NRG3: variants seen among roughly 807,000 people sequenced by gnomAD.
The protein encoded by NRG3 is pro-neuregulin-3, membrane-bound isoform.
NRG3 carries 31 observed loss-of-function variants against 66.9 expected under a neutral mutation model. The ratio of observed to expected loss-of-function variants is 0.46; its 90% confidence interval spans 0.35 to 0.63. NRG3 has a LOEUF of 0.63. Ranked by LOEUF, NRG3 falls within the 20% of genes least tolerant of loss-of-function variation. The pLI is 0.00. For missense variants in NRG3, 910 were observed against 878.9 expected (o/e 1.04, Z -0.45); for synonymous variants, 393 against 359.4 (o/e 1.09, Z -1.06).
chr10:82,634,063 G>A (rs905862669), intron 2 of NRG3, among the ~76,000 whole-genome samples: 1 of 152,140 alleles, frequency 6.6e-6, no homozygotes, highest in African/African-American at 2.4e-5. Flanking sequence ...AGGACAACGG[G>A]CCCATGAGAT....
intron 2 of NRG3, among the ~76,000 whole-genome samples, chr10:82,687,311 C>T (rs1368522656): frequency 6.6e-6 from 1 of 152,104 alleles, no homozygotes; most frequent in African/African-American, 2.4e-5. Flanking sequence ...CATACGGCTG[C>T]TCCTAGGTGC....
chr10:82,760,117 G>T (rs2059244420), intron 3 of NRG3, among the ~76,000 whole-genome samples: 1 of 152,102 alleles, frequency 6.6e-6, no homozygotes, highest in South Asian at 2.1e-4. Context: ...CTGTGGCTTG[G>T]AGGTTTAATT....
chr10:82,864,322 A>AT (rs1406503504), intron 3 of NRG3, among the ~76,000 whole-genome samples: 1 of 152,072 alleles, frequency 6.6e-6, no homozygotes, highest in Non-Finnish European at 1.5e-5. Context: ...GTATATATAT[A>AT]TTTTTTTCCA....
intron 3 of NRG3, among the ~76,000 whole-genome samples, chr10:82,826,740 A>T (rs1302963084): frequency 6.6e-6 from 1 of 152,182 alleles, no homozygotes; most frequent in Non-Finnish European, 1.5e-5. Flanking sequence ...TGGGAACAAC[A>T]GACACTGGGC....
At chr10:82,838,070 G>T (rs1031966193) in intron 3 of NRG3, among the ~76,000 whole-genome samples, 2 of 152,160 alleles carry the variant, frequency 1.3e-5, no homozygotes, top group Admixed American at 1.3e-4. Flanking sequence ...ACCATCATTT[G>T]CTGCCAATTT....
rs530093316 is a variant in NRG3 at position 82,434,324 on chromosome 10, CT to C, written c.953+75458del. On this transcript the variant is annotated intron_variant, in intron 2 of 8. Transcript: ENST00000372141. ...GTATCCTGAGACTTTGCTGAAGTTG[CT>C]TATCAGTTCAAGAAGTTTTTGAGCT... Among the ~76,000 whole-genome samples, 562 of 152,182 alleles carry C rather than the reference CT, an allele frequency of 3.7e-3. 1 individual carries two copies. Among genetic ancestry groups the C allele is most frequent in the African/African-American group, 0.013 (532 of 41,514 alleles).
intron 1 of NRG3, among the ~76,000 whole-genome samples, chr10:82,288,906 G>A (rs772558661): frequency 2.4e-4 from 36 of 152,128 alleles, no homozygotes; most frequent in Non-Finnish European, 5.0e-4. Context: ...ATAAATCCAC[G>A]TTTGGTCACT....
chr10:82,940,039 T>C (rs2132255219), intron 4 of NRG3, among the ~76,000 whole-genome samples: 3 of 152,204 alleles, frequency 2.0e-5, no homozygotes, highest in Admixed American at 2.0e-4. Context: ...ATCATATCCT[T>C]GTCCTTGAGG....
At chr10:82,212,094 C>T (rs2075424162) in intron 1 of NRG3, among the ~76,000 whole-genome samples, 1 of 152,108 alleles carries the variant, frequency 6.6e-6, no homozygotes, top group South Asian at 2.1e-4. Flanking sequence ...GTTTGCTTGG[C>T]TTTCTTTTCC....
intron 3 of NRG3, among the ~76,000 whole-genome samples, chr10:82,826,013 G>A (rs998207409): frequency 1.3e-5 from 2 of 152,106 alleles, no homozygotes; most frequent in African/African-American, 4.8e-5. Context: ...TTAGCTTATT[G>A]TATTGTACCA....
At chr10:82,377,458 G>GCGCA (rs2085325831) in intron 2 of NRG3, among the ~76,000 whole-genome samples, 3 of 75,750 alleles carry the variant, frequency 4.0e-5, no homozygotes, top group African/African-American at 2.8e-4. Flanking sequence ...GTGTGTGTGT[G>GCGCA]CGCGAGCGCA....
intron 2 of NRG3, among the ~76,000 whole-genome samples, chr10:82,437,790 G>A (rs1329259164): frequency 6.6e-6 from 1 of 152,118 alleles, no homozygotes; most frequent in African/African-American, 2.4e-5. Context: ...TGTTCTTTCA[G>A]TAGTCAGGTC....
intron 6 of NRG3, among the ~76,000 whole-genome samples, chr10:82,969,547 G>T (rs1851536800): frequency 6.6e-6 from 1 of 152,146 alleles, no homozygotes; most frequent in South Asian, 2.1e-4. Flanking sequence ...TTTGCAAAAA[G>T]ACTGACCAGC....
At chr10:82,412,311 T>G (rs1346480634) in intron 2 of NRG3, among the ~76,000 whole-genome samples, 1 of 152,072 alleles carries the variant, frequency 6.6e-6, no homozygotes, top group Non-Finnish European at 1.5e-5. Flanking sequence ...ATAAAGAAAA[T>G]GGTGCAATAA....
At chr10:82,086,695 A>T (rs559972546) in intron 1 of NRG3, among the ~76,000 whole-genome samples, 1 of 152,136 alleles carries the variant, frequency 6.6e-6, no homozygotes, top group African/African-American at 2.4e-5. Context: ...TGAATTATGC[A>T]TTGGATCTTG....
chr10:82,634,046 T>C (rs2050020323), intron 2 of NRG3, among the ~76,000 whole-genome samples: 1 of 152,174 alleles, frequency 6.6e-6, no homozygotes, highest in Admixed American at 6.5e-5. Context: ...GAGATTATGG[T>C]TCATAAAGGA....
chr10:82,691,652 A>C (rs2054937915), intron 2 of NRG3, among the ~76,000 whole-genome samples: 1 of 152,142 alleles, frequency 6.6e-6, no homozygotes, highest in Non-Finnish European at 1.5e-5. Flanking sequence ...TTCTCTCTTT[A>C]ATACCTATTT....
intron 3 of NRG3, among the ~76,000 whole-genome samples, chr10:82,823,878 A>T (rs1294642673): frequency 6.6e-6 from 1 of 152,178 alleles, no homozygotes; most frequent in Non-Finnish European, 1.5e-5. Context: ...CATTTAAAGT[A>T]TAAAATTTGG....
intron 1 of NRG3, among the ~76,000 whole-genome samples, chr10:82,016,058 T>G (rs2061773824): frequency 6.6e-6 from 1 of 151,410 alleles, no homozygotes; most frequent in South Asian, 2.1e-4. Flanking sequence ...CAAAGGAACC[T>G]TCTTATTCAG....
Sources: gnomAD v4.1 joint callset for allele counts (sites outside exome capture counted in the v4.1 genomes callset) on GRCh38, gnomAD v4.1.1 for gene constraint, MANE v1.5 for transcripts, NCBI Gene and HGNC (gene_info 2026-07-23, HGNC 2026-07-21) for gene names.